COA1: variants seen among roughly 807,000 people sequenced by gnomAD.
COA1 encodes the protein cytochrome c oxidase assembly factor 1 homolog.
Under a neutral mutation model 16.0 loss-of-function variants are expected in COA1, and 13 were observed. The ratio of observed to expected loss-of-function variants is 0.81; its 90% confidence interval spans 0.53 to 1.29. The LOEUF (loss-of-function observed/expected upper bound fraction) is 1.29. Among genes scored for constraint, COA1 ranks in the 50% most tolerant of loss-of-function variants. The probability of loss-of-function intolerance (pLI) is 0.00; values close to 1 mark genes in which losing one functional copy is unlikely to be tolerated. For synonymous variants in COA1, 65 were observed against 65.7 expected (o/e 0.99, Z 0.05); for missense variants, 179 against 177.0 (o/e 1.01, Z -0.06).
At chr7:43,694,021 T>C (rs1288885389) in intron 1 of COA1, among the ~76,000 whole-genome samples, 1 of 151,426 alleles carries the variant, frequency 6.6e-6, no homozygotes, top group Non-Finnish European at 1.5e-5. Context: ...CCTAATTCAC[T>C]AAGAAAACCA....
At chr7:43,615,640 G>A (rs1049030242) in intron 6 of COA1, among the ~76,000 whole-genome samples, 1 of 152,074 alleles carries the variant, frequency 6.6e-6, no homozygotes, top group Non-Finnish European at 1.5e-5. Flanking sequence ...ATTTACTCCA[G>A]AATAGCCTAC....
At chr7:43,709,433 A>ATT (rs965156866) in intron 1 of COA1, among the ~76,000 whole-genome samples, 7 of 85,342 alleles carry the variant, frequency 8.2e-5, no homozygotes, top group Admixed American at 5.2e-4. Context: ...ACTTTGTTTT[A>ATT]TTGTGTGTGT....
Position 43,724,598 on chromosome 7 carries a change from T to C in COA1, c.-39+4831A>G, listed in dbSNP as rs376405507. Among the ~76,000 whole-genome samples, 3 of 151,762 alleles carry C rather than the reference T, an allele frequency of 2.0e-5. No individual in the cohort carries two copies. In the East Asian group the frequency reaches 5.8e-4, roughly 29 times the overall value. ...GAAAGCAGGAACTCAGACATTTGTA[T>C]ACCAATGTTCACAGCAGCACTATTC... On this transcript the variant is annotated intron_variant, in intron 1 of 5. Coordinates refer to ENST00000223336, the MANE Select transcript of COA1 (RefSeq NM_018224.4).
chr7:43,663,212 C>T (rs1485196798), intron 1 of COA1, among the ~76,000 whole-genome samples: 1 of 152,178 alleles, frequency 6.6e-6, no homozygotes, highest in Non-Finnish European at 1.5e-5. Flanking sequence ...CCCACTTCAC[C>T]TTCTGCCATG....
At chr7:43,654,998 A>G (rs1181719769) in intron 1 of COA1, among the ~76,000 whole-genome samples, 1 of 152,128 alleles carries the variant, frequency 6.6e-6, no homozygotes, top group Non-Finnish European at 1.5e-5. Context: ...GACATCCTGA[A>G]AACATTATTT....
chr7:43,668,382 G>A (rs1263430397), intron 1 of COA1, among the ~76,000 whole-genome samples: 1 of 152,140 alleles, frequency 6.6e-6, no homozygotes, highest in Admixed American at 6.6e-5. Flanking sequence ...AATCCAAAAG[G>A]CCTATGTAGA....
chr7:43,654,586 A>C (rs1046607864), intron 1 of COA1, among the ~76,000 whole-genome samples: 3 of 152,222 alleles, frequency 2.0e-5, no homozygotes, highest in Non-Finnish European at 2.9e-5. Flanking sequence ...TTATTGAAAA[A>C]AAAATCCAAA....
chr7:43,680,745 A>G (rs1001381350), intron 1 of COA1, among the ~76,000 whole-genome samples: 6 of 152,260 alleles, frequency 3.9e-5, no homozygotes, highest in African/African-American at 1.4e-4. Flanking sequence ...GAGGCAGGAG[A>G]ATCACTTGAG....
At chr7:43,639,949 T>G (rs2086640607) in intron 5 of COA1, among the ~76,000 whole-genome samples, 2 of 152,214 alleles carry the variant, frequency 1.3e-5, no homozygotes, top group African/African-American at 2.4e-5. Flanking sequence ...TTATTTCTCA[T>G]TTCCTAATTC....
At chr7:43,722,386 C>G (rs930946981) in intron 1 of COA1, among the ~76,000 whole-genome samples, 11 of 152,032 alleles carry the variant, frequency 7.2e-5, no homozygotes, top group African/African-American at 2.2e-4. Context: ...TGAGCCACCA[C>G]GCCTGGCTAG....
chr7:43,608,500 T>C, exon 7 of COA1: 1 of 1,395,232 alleles, frequency 7.2e-7, no homozygotes, highest in Non-Finnish European at 9.7e-7. Flanking sequence ...GTTTGTGTAT[T>C]ATTAGGTAAC....
chr7:43,660,338 C>T (rs546656924), intron 1 of COA1, among the ~76,000 whole-genome samples: 3 of 152,292 alleles, frequency 2.0e-5, no homozygotes, highest in East Asian at 3.9e-4. Context: ...CCCTCCTCCA[C>T]TCCACACCAG....
intron 6 of COA1, among the ~76,000 whole-genome samples, chr7:43,633,566 AAT>A (rs1491086091): frequency 6.7e-6 from 1 of 149,852 alleles, no homozygotes; most frequent in Non-Finnish European, 1.5e-5. Flanking sequence ...AGCTCTCCAT[AAT>A]AGAGTAATTT....
At chr7:43,701,792 T>G in intron 1 of COA1, among the ~76,000 whole-genome samples, 1 of 152,228 alleles carries the variant, frequency 6.6e-6, no homozygotes, top group East Asian at 1.9e-4. Context: ...TGGTGTGAGA[T>G]AGTATCTCAT....
intron 6 of COA1, chr7:43,623,315 G>A (rs1338232399): frequency 2.5e-6 from 1 of 393,926 alleles, no homozygotes; most frequent in Non-Finnish European, 4.5e-6. Flanking sequence ...TATGTTTGGT[G>A]TTTTTAAAAT....
chr7:43,615,986 C>T (rs2083305450), intron 6 of COA1, among the ~76,000 whole-genome samples: 2 of 152,194 alleles, frequency 1.3e-5, no homozygotes, highest in South Asian at 4.1e-4. Flanking sequence ...TTGAGTTCCC[C>T]ATAGTGCTTA....
intron 1 of COA1, among the ~76,000 whole-genome samples, chr7:43,703,520 G>A (rs1230697268): frequency 2.0e-5 from 3 of 152,114 alleles, no homozygotes; most frequent in Non-Finnish European, 4.4e-5. Context: ...CTCTAGTGTT[G>A]GGTGCATATA....
intron 1 of COA1, among the ~76,000 whole-genome samples, chr7:43,704,087 G>A (rs1326157143): frequency 6.6e-6 from 1 of 152,140 alleles, no homozygotes; most frequent in Non-Finnish European, 1.5e-5. Context: ...GCTTAGTTTG[G>A]CCAGACATAA....
rs1012655674 is a variant in COA1 at position 43,639,675 on chromosome 7, G to T, written c.348C>A (p.His116Gln). Reference protein sequence around the residue: ...SSRGGPFQRWHLDEVFLELKD... With the variant: ...SSRGGPFQRWQLDEVFLELKD... ...TGAGCTCTAAAAAGACCTCGTCAAG[G>T]TGCCACCTGAGAGAAACCAAAAGTA... The change falls in exon 6 of 6, where the codon CAC becomes CAA. Residue 116 changes from histidine (H) to glutamine (Q), a missense_variant. Transcript: ENST00000223336. The T allele has an allele frequency of 6.2e-7, 1 of 1,613,420 alleles. No individual in the cohort carries two copies. The highest frequency in any genetic ancestry group is 8.5e-7 in the Non-Finnish European group (1 of 1,179,598).
Sources: gnomAD v4.1 joint callset for allele counts (sites outside exome capture counted in the v4.1 genomes callset) on GRCh38, gnomAD v4.1.1 for gene constraint, MANE v1.5 for transcripts, NCBI Gene and HGNC (gene_info 2026-07-23, HGNC 2026-07-21) for gene names.